The following PCDHA5 variants were observed in gnomAD, a reference collection of about 807,000 sequenced individuals.
PCDHA5 encodes protocadherin alpha-5.
Under a neutral mutation model 61.6 loss-of-function variants are expected in PCDHA5, and 43 were observed. The observed-to-expected ratio is 0.70, with a 90% CI of 0.55 to 0.90. The LOEUF is 0.90. Among genes scored for constraint, PCDHA5 ranks in the 40% least tolerant of loss-of-function variants. The probability of loss-of-function intolerance (pLI) is 0.00; values close to 1 mark genes in which losing one functional copy is unlikely to be tolerated. For missense variants in PCDHA5, 1,298 were observed against 1,222.7 expected, an observed-to-expected ratio of 1.06 and a Z score of -0.92; for synonymous variants, 627 against 543.9, an observed-to-expected ratio of 1.15 and a Z score of -2.13.
intron 1 of PCDHA5, among the ~76,000 whole-genome samples, chr5:140,838,236 C>G (rs2150286202): frequency 6.6e-6 from 1 of 150,998 alleles, no homozygotes; most frequent in East Asian, 1.9e-4. Context: ...GCCTCAGTCT[C>G]CCAAGTAGCT....
chr5:140,870,836 A>G (rs375475405), intron 1 of PCDHA5: 3 of 1,613,796 alleles, frequency 1.9e-6, no homozygotes, highest in Non-Finnish European at 2.5e-6. Flanking sequence ...GCAGTTAACA[A>G]GCTAGTACCG....
chr5:140,902,548 A>G (rs1554190491), intron 1 of PCDHA5, among the ~76,000 whole-genome samples: 1 of 152,028 alleles, frequency 6.6e-6, no homozygotes, highest in East Asian at 1.9e-4. Flanking sequence ...TTCCTTCTAT[A>G]CCCAGATTTT....
intron 1 of PCDHA5, among the ~76,000 whole-genome samples, chr5:140,973,020 T>A (rs1057155557): frequency 6.6e-6 from 1 of 152,120 alleles, no homozygotes; most frequent in Non-Finnish European, 1.5e-5. Flanking sequence ...TTGTGATTGT[T>A]AATGAGTCAC....
At chr5:140,829,175 G>C in intron 1 of PCDHA5, 1 of 1,614,160 alleles carries the variant, frequency 6.2e-7, no homozygotes, top group Non-Finnish European at 8.5e-7. Flanking sequence ...TGTACGTGAA[G>C]ACGCTCAATT....
intron 1 of PCDHA5, among the ~76,000 whole-genome samples, chr5:140,952,745 A>G (rs1554220592): frequency 6.6e-6 from 1 of 152,220 alleles, no homozygotes; most frequent in African/African-American, 2.4e-5. Context: ...TCACACTGCT[A>G]TAAAAACACC....
chr5:141,000,345 C>A (rs1395527046), intron 3 of PCDHA5, among the ~76,000 whole-genome samples: 7 of 116,650 alleles, frequency 6.0e-5, no homozygotes, highest in African/African-American at 2.4e-4. Context: ...CCCTATCTCT[C>A]TCTCTGTCTC....
intron 3 of PCDHA5, among the ~76,000 whole-genome samples, chr5:140,997,372 A>G (rs2097768557): frequency 6.6e-6 from 1 of 152,208 alleles, no homozygotes; most frequent in Non-Finnish European, 1.5e-5. Context: ...CCTAGATGAT[A>G]TAGCATACTA....
chr5:140,932,608 T>C (rs573580763), intron 1 of PCDHA5, among the ~76,000 whole-genome samples: 1 of 151,996 alleles, frequency 6.6e-6, no homozygotes, highest in African/African-American at 2.4e-5. Flanking sequence ...TATTTTGACT[T>C]TGAAGCTGAT....
chr5:140,877,767 C>T, intron 1 of PCDHA5: 1 of 1,614,166 alleles, frequency 6.2e-7, no homozygotes, highest in Non-Finnish European at 8.5e-7. Context: ...AGAGCCCGCC[C>T]AAGACGGACC....
intron 3 of PCDHA5, among the ~76,000 whole-genome samples, chr5:141,006,952 A>G (rs2098296225): frequency 1.3e-5 from 2 of 152,212 alleles, no homozygotes; most frequent in South Asian, 4.1e-4. Flanking sequence ...ATAGGCAGTT[A>G]TACATGAGAT....
At chr5:140,876,838 G>C in intron 1 of PCDHA5, 1 of 1,614,140 alleles carries the variant, frequency 6.2e-7, no homozygotes, top group Non-Finnish European at 8.5e-7. Flanking sequence ...GCCTGCGTTC[G>C]CGCAGCCCGA....
intron 1 of PCDHA5, chr5:140,882,607 T>G (rs1313419888): frequency 6.8e-6 from 11 of 1,614,124 alleles, no homozygotes; most frequent in East Asian, 2.2e-5. Flanking sequence ...TGGACAGGCC[T>G]CTGCAGGTTT....
chr5:140,824,637 T>TTTC (rs1768307351), intron 1 of PCDHA5: 2 of 145,312 alleles, frequency 1.4e-5, no homozygotes, highest in Non-Finnish European at 2.9e-5. Flanking sequence ...TTTTTTATTT[T>TTTC]CTGTAGAGAT....
chr5:140,877,262 T>C (rs1554169532), intron 1 of PCDHA5: 2 of 1,613,670 alleles, frequency 1.2e-6, no homozygotes, highest in South Asian at 2.2e-5. Flanking sequence ...GTGCGCGCGG[T>C]GGACGCTGAC....
intron 1 of PCDHA5, among the ~76,000 whole-genome samples, chr5:140,909,407 T>C (rs1004172644): frequency 3.3e-5 from 5 of 152,172 alleles, no homozygotes; most frequent in Non-Finnish European, 7.3e-5. Context: ...GCAATTGCAG[T>C]TACCATTTGG....
At position 140,858,590 on chromosome 5, in the gene PCDHA5, C is replaced by T. The variant is rs781927983; in HGVS notation, c.2352+34463C>T. 16 of 1,324,580 alleles carry T rather than the reference C, an allele frequency of 1.2e-5. No homozygotes were observed. In the South Asian group the frequency reaches 2.3e-4, roughly 19 times the overall value. The allele number at this position is 1,324,580 out of a possible 1,614,324, so 82.1% of individuals were successfully genotyped here. A position where few individuals can be genotyped will look rare whatever the true frequency, so the allele number is the denominator to read the frequency against. ...TGATACCTTTGTAATATAATTTATTCCAGGAGTTTTAAAATTTTTTTATCC... is the reference window on the plus strand; with the variant it reads ...TGATACCTTTGTAATATAATTTATTTCAGGAGTTTTAAAATTTTTTTATCC... On this transcript the variant is annotated intron_variant, in intron 1 of 3. Transcript: ENST00000529859.
At position 140,853,803 on chromosome 5, in the gene PCDHA5, C is replaced by T. The variant is rs574954325; in HGVS notation, c.2352+29676C>T. ...GTAAGAGCAAATTTTCATTTTAAAG[C>T]ACACCTGAGATGATTCTCATACAAC... On this transcript the variant is annotated intron_variant, in intron 1 of 3. Transcript: ENST00000529859. 88 of 986,658 alleles carry T rather than the reference C, an allele frequency of 8.9e-5. 10 individuals are homozygous for T. The highest frequency in any genetic ancestry group is 1.9e-4 in the South Asian group (4 of 21,086). The allele number at this position is 986,658 out of a possible 1,614,324, so 61.1% of individuals were successfully genotyped here. A position where few individuals can be genotyped will look rare whatever the true frequency, so the allele number is the denominator to read the frequency against.
At chr5:140,841,320 A>T in intron 1 of PCDHA5, 1 of 1,602,072 alleles carries the variant, frequency 6.2e-7, no homozygotes, top group African/African-American at 1.3e-5. Context: ...CGACTATTTA[A>T]CATGGATTAT....
chr5:140,858,302 A>T, intron 1 of PCDHA5: 1 of 1,597,158 alleles, frequency 6.3e-7, no homozygotes, highest in South Asian at 1.1e-5. Context: ...CTCGCAGCAG[A>T]GGCGGCAGAG....
Sources: gnomAD v4.1 joint callset for allele counts (sites outside exome capture counted in the v4.1 genomes callset) on GRCh38, gnomAD v4.1.1 for gene constraint, MANE v1.5 for transcripts, NCBI Gene and HGNC (gene_info 2026-07-23, HGNC 2026-07-21) for gene names.